The following PLXDC1 variants were observed in gnomAD, a reference collection of about 807,000 sequenced individuals.
PLXDC1 encodes the protein plexin domain-containing protein 1.
Under a neutral mutation model 61.3 loss-of-function variants are expected in PLXDC1, and 39 were observed. The observed-to-expected ratio is 0.64, with a 90% CI of 0.49 to 0.83. The LOEUF (loss-of-function observed/expected upper bound fraction) is 0.83, where lower values mean the gene tolerates loss of function less well. Among genes scored for constraint, PLXDC1 ranks in the 40% least tolerant of loss-of-function variants. The probability of loss-of-function intolerance (pLI) is 0.00; values close to 1 mark genes in which losing one functional copy is unlikely to be tolerated. For missense variants in PLXDC1, 596 were observed against 666.5 expected, an observed-to-expected ratio of 0.89 and a Z score of 1.17; for synonymous variants, 212 against 254.5, an observed-to-expected ratio of 0.83 and a Z score of 1.59.
intron 7 of PLXDC1, among the ~76,000 whole-genome samples, chr17:39,092,244 T>C (rs1373175927): frequency 1.3e-5 from 2 of 151,860 alleles, no homozygotes; most frequent in African/African-American, 4.8e-5. Flanking sequence ...CTGGCTAATT[T>C]TTGTATTTTT....
At chr17:39,102,861 G>A (rs371659708) in intron 7 of PLXDC1, among the ~76,000 whole-genome samples, 3 of 152,246 alleles carry the variant, frequency 2.0e-5, no homozygotes, top group African/African-American at 2.4e-5. Flanking sequence ...AGGGGCAGGT[G>A]AAAAACCTAA....
chr17:39,144,554 C>T (rs1407565392), intron 1 of PLXDC1: 1 of 152,364 alleles, frequency 6.6e-6, no homozygotes, highest in African/African-American at 2.4e-5. Context: ...GAAGCCAACA[C>T]AGCTGGTTGC....
intron 2 of PLXDC1, among the ~76,000 whole-genome samples, chr17:39,121,954 A>G (rs1232025521): frequency 3.3e-5 from 5 of 150,784 alleles, no homozygotes; most frequent in African/African-American, 1.2e-4. Flanking sequence ...AAAATTATCT[A>G]TGTGTGGTGG....
chr17:39,073,011 G>A (rs1909186239), intron 11 of PLXDC1: 1 of 163,812 alleles, frequency 6.1e-6, no homozygotes, highest in Non-Finnish European at 1.4e-5. Context: ...TGCTGTAAAT[G>A]ACTGAAGATT....
At chr17:39,140,494 A>T (rs1911902655) in intron 1 of PLXDC1, among the ~76,000 whole-genome samples, 1 of 152,086 alleles carries the variant, frequency 6.6e-6, no homozygotes, top group African/African-American at 2.4e-5. Context: ...TTTAATAGAG[A>T]CGAGGTTTCA....
chr17:39,110,536 C>T (rs1458056000), intron 2 of PLXDC1, among the ~76,000 whole-genome samples: 2 of 152,228 alleles, frequency 1.3e-5, no homozygotes, highest in Non-Finnish European at 2.9e-5. Context: ...GGAGCCGACC[C>T]AAGAGCACCA....
chr17:39,099,703 A>C (rs1027185544), intron 7 of PLXDC1, among the ~76,000 whole-genome samples: 1 of 152,116 alleles, frequency 6.6e-6, no homozygotes, highest in Non-Finnish European at 1.5e-5. Context: ...AGGATAAGTC[A>C]CTCTACCTCT....
chr17:39,096,956 C>G (rs961819467), intron 7 of PLXDC1: 1 of 471,222 alleles, frequency 2.1e-6, no homozygotes, highest in African/African-American at 2.0e-5. Context: ...AGATGCTTTG[C>G]AGACTCTGCT....
intron 4 of PLXDC1, 48 bp from the exon 5 acceptor site, chr17:39,108,293 G>A: frequency 6.2e-7 from 1 of 1,605,974 alleles, no homozygotes; most frequent in African/African-American, 1.3e-5. Context: ...GCCCAGAGGG[G>A]CCGCTTTGGG....
intron 3 of PLXDC1, 113 bp downstream of exon 3, chr17:39,109,135 G>A (rs571134393): frequency 2.8e-6 from 4 of 1,415,278 alleles, no homozygotes; most frequent in Non-Finnish European, 3.9e-6. Flanking sequence ...CCCCTGGAAG[G>A]TACCTCCCAG....
chr17:39,133,777 C>G (rs1275193519), intron 2 of PLXDC1, among the ~76,000 whole-genome samples: 1 of 152,096 alleles, frequency 6.6e-6, no homozygotes, highest in East Asian at 1.9e-4. Flanking sequence ...CACCACCATA[C>G]CTAGCTAACT....
intron 9 of PLXDC1, among the ~76,000 whole-genome samples, chr17:39,082,610 G>A (rs906392265): frequency 2.7e-5 from 4 of 150,300 alleles, no homozygotes; most frequent in South Asian, 4.2e-4. Flanking sequence ...GGAGCAGCAC[G>A]ACAGCTGCAC....
chr17:39,129,598 C>T (rs920856749), intron 2 of PLXDC1, among the ~76,000 whole-genome samples: 1 of 147,462 alleles, frequency 6.8e-6, no homozygotes, highest in Non-Finnish European at 1.5e-5. Context: ...GCCTGGGCGA[C>T]AGAGCAAGAC....
chr17:39,144,286 G>A (rs1912025803), intron 1 of PLXDC1, among the ~76,000 whole-genome samples: 1 of 152,136 alleles, frequency 6.6e-6, no homozygotes, highest in Non-Finnish European at 1.5e-5. Flanking sequence ...ATTTGACGAT[G>A]GTGCCCACAG....
At chr17:39,073,895 T>A (rs563838081) in intron 11 of PLXDC1, among the ~76,000 whole-genome samples, 1 of 152,338 alleles carries the variant, frequency 6.6e-6, no homozygotes, top group East Asian at 1.9e-4. Flanking sequence ...AGAGGTCATC[T>A]GGTTCATTTA....
chr17:39,089,660 C>T (rs1008495969), intron 7 of PLXDC1, among the ~76,000 whole-genome samples: 3 of 152,152 alleles, frequency 2.0e-5, no homozygotes, highest in African/African-American at 7.2e-5. Context: ...AGGAAAATTT[C>T]CCAAGGTGGC....
chr17:39,102,219 G>T (rs1391268381), intron 7 of PLXDC1, among the ~76,000 whole-genome samples: 2 of 152,102 alleles, frequency 1.3e-5, no homozygotes, highest in Non-Finnish European at 2.9e-5. Context: ...CTCTGTGCAT[G>T]GATATCTCAG....
Position 39,082,172 on chromosome 17 carries a change from G to A in PLXDC1, c.989+1287C>T, listed in dbSNP as rs112638149. Among the ~76,000 whole-genome samples, 7 of 152,286 alleles carry A rather than the reference G, an allele frequency of 4.6e-5. 1 individual carries two copies. Among genetic ancestry groups the A allele is most frequent in the Non-Finnish European group, 4.4e-5 (3 of 68,004 alleles). ...TGCTAGGCAGGCTGCCTATAAAGGC[G>A]AGAACTTCTACATTTGCAGCAGGAT... is the stretch of plus-strand genomic sequence containing the variant. On this transcript the variant is annotated intron_variant, in intron 9 of 13. Coordinates refer to ENST00000315392, the MANE Select transcript of PLXDC1 (RefSeq NM_020405.5).
intron 2 of PLXDC1, among the ~76,000 whole-genome samples, chr17:39,122,111 A>AAAAGGC (rs1491196046): frequency 5.0e-5 from 2 of 40,312 alleles, no homozygotes; most frequent in Non-Finnish European, 1.2e-4. Context: ...AAAAAAAAAA[A>AAAAGGC]GGGGGGGGGG....
Sources: allele counts gnomAD v4.1 joint callset (sites outside exome capture counted in the v4.1 genomes callset), GRCh38; gene constraint gnomAD v4.1.1; transcripts MANE v1.5; gene names NCBI Gene and HGNC (gene_info 2026-07-23, HGNC 2026-07-21).